Variants in ANO1 observed in about 807,000 individuals in gnomAD.
ANO1 encodes the protein anoctamin-1.
ANO1 carries 59 observed loss-of-function variants against 124.0 expected under a neutral mutation model. The observed-to-expected ratio is 0.48, with a 90% CI of 0.39 to 0.59. The LOEUF (loss-of-function observed/expected upper bound fraction) is 0.59. Ranked by LOEUF, ANO1 falls within the 20% of genes least tolerant of loss-of-function variation. The pLI is 0.00. For missense variants in ANO1, 1,059 were observed against 1,328.0 expected, an observed-to-expected ratio of 0.80 and a Z score of 3.15; for synonymous variants, 529 against 532.0, an observed-to-expected ratio of 0.99 and a Z score of 0.08.
At position 70,054,421 on chromosome 11, in the gene ANO1, C is replaced by T. The variant is rs370597853; in HGVS notation, c.59-24121C>T. Among the ~76,000 whole-genome samples the T allele has an allele frequency of 5.3e-5, 8 of 152,352 alleles. No homozygotes were observed. In the East Asian group the frequency reaches 7.7e-4, roughly 15 times the overall value. On this transcript the variant is annotated intron_variant, in intron 1 of 27. Transcript: ENST00000531349. ...GGCACAGGCTCCTCACAGTGCAGGA[C>T]GGTGCCAGGGTAGTGAAAGTGGGTG...
chr11:70,165,699 AAGG>A, intron 20 of ANO1, 129 bp downstream of exon 20: 1 of 759,366 alleles, frequency 1.3e-6, no homozygotes, highest in Admixed American at 2.6e-5. Flanking sequence ...GCAGGGAGAG[AAGG>A]AGGACACAGA....
intron 11 of ANO1, among the ~76,000 whole-genome samples, chr11:70,139,376 T>C (rs7944428): frequency 0.26 from 38,797 of 151,742 alleles, 5,512 homozygotes; most frequent in East Asian, 0.42. Context: ...CAGGCTGGAG[T>C]GCAGTGGCGC....
chr11:70,177,460 A>G (rs2048747423), intron 22 of ANO1, among the ~76,000 whole-genome samples: 3 of 152,160 alleles, frequency 2.0e-5, no homozygotes, highest in Non-Finnish European at 4.4e-5. Flanking sequence ...CTCAGCACAG[A>G]CAGCAGAGCT....
At chr11:70,147,674 C>A (rs1257278144) in intron 11 of ANO1, among the ~76,000 whole-genome samples, 1 of 152,232 alleles carries the variant, frequency 6.6e-6, no homozygotes, top group Non-Finnish European at 1.5e-5. Flanking sequence ...CCATCTCCCT[C>A]CACTTCCTGG....
At chr11:70,005,112 C>CAAA (rs3078420) in intron 1 of ANO1, among the ~76,000 whole-genome samples, 2,170 of 134,970 alleles carry the variant, frequency 0.016, 60 homozygotes, top group Non-Finnish European at 0.021. Flanking sequence ...GATTCCAACT[C>CAAA]AAAAAAAAAA....
At chr11:70,175,470 C>T (rs1227587653) in intron 22 of ANO1, among the ~76,000 whole-genome samples, 1 of 152,236 alleles carries the variant, frequency 6.6e-6, no homozygotes, top group Non-Finnish European at 1.5e-5. Context: ...CCCCTGAGGC[C>T]CTGGGTGGCT....
chr11:69,974,649 A>C, the ANO1 span, among the ~76,000 whole-genome samples: 2 of 152,086 alleles, frequency 1.3e-5, no homozygotes, highest in Non-Finnish European at 2.9e-5. Context: ...TGCTCAGTGT[A>C]CCTCCCCACA....
chr11:70,162,415 G>A (rs2048088733), intron 18 of ANO1, among the ~76,000 whole-genome samples: 1 of 152,134 alleles, frequency 6.6e-6, no homozygotes, highest in Admixed American at 6.5e-5. Context: ...CCCACGGCAG[G>A]TAGGGAGGAG....
intron 2 of ANO1, 121 bp from the exon 3 acceptor site, chr11:70,102,945 C>A: frequency 1.5e-6 from 1 of 667,288 alleles, no homozygotes; most frequent in Non-Finnish European, 2.6e-6. Flanking sequence ...AATGAGGCCG[C>A]GGTAAAAGCA....
chr11:70,187,628 G>A (rs2049184735), intron 25 of ANO1, 110 bp from the exon 26 acceptor site: 1 of 1,375,428 alleles, frequency 7.3e-7, no homozygotes, highest in Admixed American at 2.2e-5. Flanking sequence ...AGGTCAATGG[G>A]CCAGGAGGTG....
chr11:70,106,183 T>G (rs948170), intron 5 of ANO1, among the ~76,000 whole-genome samples: 136,881 of 152,100 alleles, frequency 0.9, 62,043 homozygotes, highest in Non-Finnish European at 0.96. Context: ...GGAGGGAGGG[T>G]TGGTGGAGGC....
chr11:70,058,855 T>C (rs1362893146), intron 1 of ANO1, among the ~76,000 whole-genome samples: 1 of 151,990 alleles, frequency 6.6e-6, no homozygotes, highest in Non-Finnish European at 1.5e-5. Flanking sequence ...ACCGAGAGCC[T>C]GAGAGACGGC....
chr11:70,138,437 C>G (rs1246936930), intron 11 of ANO1, among the ~76,000 whole-genome samples: 1 of 149,414 alleles, frequency 6.7e-6, no homozygotes, highest in Admixed American at 6.7e-5. Flanking sequence ...ACCCAGGAGG[C>G]AGAGGTCGCA....
At chr11:70,125,140 C>T (rs2046442174) in intron 9 of ANO1, among the ~76,000 whole-genome samples, 1 of 151,678 alleles carries the variant, frequency 6.6e-6, no homozygotes, top group South Asian at 2.1e-4. Context: ...GTCAGGAGTT[C>T]GAGACCAGCC....
At chr11:70,049,301 G>A (rs1857312272) in intron 1 of ANO1, among the ~76,000 whole-genome samples, 1 of 152,226 alleles carries the variant, frequency 6.6e-6, no homozygotes, top group South Asian at 2.1e-4. Flanking sequence ...GCAGTTGACA[G>A]ATCAGGTTTC....
At chr11:70,056,119 C>T (rs1238110698) in intron 1 of ANO1, 1 of 152,016 alleles carries the variant, frequency 6.6e-6, no homozygotes, top group African/African-American at 2.4e-5. Flanking sequence ...GTTCTTTATT[C>T]TCTTCTACCT....
At chr11:70,176,404 A>G (rs768514776) in intron 22 of ANO1, among the ~76,000 whole-genome samples, 1 of 152,018 alleles carries the variant, frequency 6.6e-6, no homozygotes, top group Non-Finnish European at 1.5e-5. Flanking sequence ...GCCTCTGCCT[A>G]CCAAAGTGCT....
At chr11:70,128,818 G>T (rs2046627980) in intron 10 of ANO1, among the ~76,000 whole-genome samples, 1 of 152,246 alleles carries the variant, frequency 6.6e-6, no homozygotes. Flanking sequence ...GCAGAAAAAG[G>T]CTTCTTGTTG....
intron 5 of ANO1, 109 bp from the exon 6 acceptor site, chr11:70,108,244 G>A (rs2045635503): frequency 1.9e-6 from 2 of 1,033,532 alleles, no homozygotes; most frequent in Admixed American, 2.0e-5. Flanking sequence ...CACCAAGGAG[G>A]TCTTCATGCG....
Sources: allele counts gnomAD v4.1 joint callset (sites outside exome capture counted in the v4.1 genomes callset), GRCh38; gene constraint gnomAD v4.1.1; transcripts MANE v1.5; gene names NCBI Gene and HGNC (gene_info 2026-07-23, HGNC 2026-07-21).